The following LAMA3 variants were observed in gnomAD, a reference collection of about 807,000 sequenced individuals.
LAMA3 encodes the protein laminin subunit alpha 3, also known as laminin subunit alpha-3.
A neutral mutation model predicts 402.0 loss-of-function variants in LAMA3; 281 were observed. That is an observed-to-expected ratio of 0.70 (90% CI 0.63 to 0.77). The LOEUF is 0.77. LAMA3 is among the 30% of genes least tolerant of loss of function. The probability of loss-of-function intolerance (pLI) is 0.00; values close to 1 mark genes in which losing one functional copy is unlikely to be tolerated. For missense variants in LAMA3, 3,840 were observed against 4,215.5 expected, an observed-to-expected ratio of 0.91 and a Z score of 2.47; for synonymous variants, 1,431 against 1,558.4, an observed-to-expected ratio of 0.92 and a Z score of 1.93.
At position 23,717,719 on chromosome 18, in the gene LAMA3, A is replaced by ATTTTTTTTTTTTT. The variant is rs1568109215; in HGVS notation, c.447+3647_447+3648insTTTTTTTTTTTTT. 1.7e-5 allele frequency among the ~76,000 whole-genome samples: 2 copies of ATTTTTTTTTTTTT among 116,806 alleles called. 1 individual carries two copies. The highest frequency in any genetic ancestry group is 7.8e-5 in the African/African-American group (2 of 25,646). The allele number at this position is 116,806 out of a possible 152,430, so 76.6% of individuals were successfully genotyped here. ...AGGTGCCCACCACCATGCCTGGCTA[A>ATTTTTTTTTTTTT]ATTTTTTTTTTTTTTTTTTTTTTTT... On this transcript the variant is annotated intron_variant, in intron 2 of 74. Transcript: ENST00000313654.
intron 1 of LAMA3, among the ~76,000 whole-genome samples, chr18:23,705,875 T>C (rs1340773122): frequency 2.0e-5 from 3 of 152,152 alleles, no homozygotes; most frequent in African/African-American, 4.8e-5. Flanking sequence ...AAACCAAACA[T>C]AGAGCTTGGA....
At chr18:23,915,247 T>G in intron 58 of LAMA3, 42 bp from the exon 59 acceptor site, 1 of 1,604,700 alleles carries the variant, frequency 6.2e-7, no homozygotes, top group Non-Finnish European at 8.5e-7. Context: ...TTGATTATTG[T>G]CCTTTGTTCA....
At chr18:23,867,569 GA>G (rs1272959145) in intron 36 of LAMA3, among the ~76,000 whole-genome samples, 31 of 128,832 alleles carry the variant, frequency 2.4e-4, no homozygotes, top group Non-Finnish European at 3.5e-4. Flanking sequence ...AAAAAAAAAA[GA>G]AAAAAAAAAG....
chr18:23,714,200 C>A, intron 2 of LAMA3, 128 bp downstream of exon 2: 1 of 946,840 alleles, frequency 1.1e-6, no homozygotes, highest in Non-Finnish European at 1.6e-6. Flanking sequence ...ATTGTTAAAC[C>A]TGTTACATTA....
chr18:23,869,596 T>C (rs561992775), intron 37 of LAMA3, among the ~76,000 whole-genome samples: 1 of 152,330 alleles, frequency 6.6e-6, no homozygotes, highest in Admixed American at 6.5e-5. Flanking sequence ...AAGCATCATA[T>C]TTGTATGTTA....
At chr18:23,747,696 T>C (rs1482948418) in intron 2 of LAMA3, among the ~76,000 whole-genome samples, 1 of 152,196 alleles carries the variant, frequency 6.6e-6, no homozygotes, top group African/African-American at 2.4e-5. Flanking sequence ...GGTTAAGGTG[T>C]GACAAAGATG....
chr18:23,750,461 T>TCCCCC (rs2061728775), intron 4 of LAMA3, among the ~76,000 whole-genome samples: 1 of 144,132 alleles, frequency 6.9e-6, no homozygotes, highest in African/African-American at 2.6e-5. Flanking sequence ...TTTTTTTTTT[T>TCCCCC]TTTTTTGCCC....
At chr18:23,871,998 A>G (rs1454416345) in intron 38 of LAMA3, among the ~76,000 whole-genome samples, 2 of 152,234 alleles carry the variant, frequency 1.3e-5, no homozygotes, top group Non-Finnish European at 2.9e-5. Flanking sequence ...AATGTTTGAG[A>G]TGATGGATAT....
In LAMA3 at chr18:23,939,277, G is replaced by A. The variant is rs1378466640; in HGVS notation, c.8917G>A (p.Ala2973Thr). 1 of 1,614,188 alleles carries A rather than the reference G, an allele frequency of 6.2e-7. No homozygotes were observed. Among genetic ancestry groups the A allele is most frequent in the African/African-American group, 1.3e-5 (1 of 75,052 alleles). ...SPRSVKVWQD[A>T]CSPLPKTQAN... The stretch of plus-strand genomic sequence containing the variant: ...AAGGAGCGTGAAGGTGTGGCAAGAT[G>A]CTTGCTCACCACTTCCCAAGACCCA... The change falls in exon 68 of 75, where the codon GCT becomes ACT. Residue 2973 changes from alanine to threonine, a missense_variant. Ala to Thr is a moderately conservative substitution (Grantham distance 58). This residue lies in a region of LAMA3 where 840 missense variants were observed against 981.9 expected (regional missense o/e 0.86). Coordinates refer to ENST00000313654, the MANE Select transcript of LAMA3 (RefSeq NM_198129.4).
At chr18:23,937,240 C>A (rs1193752420) in intron 67 of LAMA3, among the ~76,000 whole-genome samples, 1 of 151,992 alleles carries the variant, frequency 6.6e-6, no homozygotes. Flanking sequence ...GTGGTAGGCA[C>A]CTGTAATCCC....
At chr18:23,925,290 G>A (rs1374247520) in intron 62 of LAMA3, among the ~76,000 whole-genome samples, 2 of 152,166 alleles carry the variant, frequency 1.3e-5, no homozygotes, top group Non-Finnish European at 2.9e-5. Flanking sequence ...GTTTCTTCTG[G>A]GAATGGGGAC....
intron 20 of LAMA3, among the ~76,000 whole-genome samples, chr18:23,822,604 A>G (rs1030249382): frequency 3.9e-5 from 6 of 152,232 alleles, no homozygotes; most frequent in African/African-American, 1.4e-4. Context: ...AAAAATCGAT[A>G]TAACAACCTA....
chr18:23,727,265 T>G (rs2061315270), intron 2 of LAMA3, among the ~76,000 whole-genome samples: 1 of 152,200 alleles, frequency 6.6e-6, no homozygotes, highest in South Asian at 2.1e-4. Flanking sequence ...TTTAAATTGT[T>G]TTAAGGCTTT....
intron 31 of LAMA3, 78 bp from the exon 32 acceptor site, chr18:23,847,386 G>T (rs1034955004): frequency 2.7e-6 from 4 of 1,466,894 alleles, no homozygotes; most frequent in Non-Finnish European, 3.8e-6. Flanking sequence ...CTTCTGGAAA[G>T]CCTGGCAGTT....
rs368729086 is a variant in LAMA3, at chr18:23,861,695, T to A, written c.4472T>A (p.Ile1491Asn). ...CTGGAGACAGCAGACAGAGTGGACA[T>A]CCCTGTCTCTTTCAACCCAGGCAGC... ...WHLETADRVD[I>N]PVSFNPGSNS... is the part of the protein sequence containing the mutation. Residue 1491 changes from isoleucine to asparagine, a missense_variant, in exon 35 of 75, where the codon ATC becomes AAC. Physicochemically the swap from Ile to Asn is moderately radical, Grantham distance 149. Around this residue, in one of 3 missense-constraint regions of LAMA3, gnomAD observed 2,109 missense variants for 2,376.0 expected, o/e 0.89. Coordinates refer to ENST00000313654, the MANE Select transcript of LAMA3 (RefSeq NM_198129.4). The A allele has an allele frequency of 1.2e-4, 188 of 1,614,024 alleles. No homozygotes were observed. Among genetic ancestry groups the A allele is most frequent in the South Asian group, 2.0e-4 (18 of 91,082 alleles).
At chr18:23,762,273 G>A (rs186164634) in intron 7 of LAMA3, among the ~76,000 whole-genome samples, 18 of 152,064 alleles carry the variant, frequency 1.2e-4, no homozygotes, top group Middle Eastern at 6.8e-3. Flanking sequence ...AAGATGCTGC[G>A]GCACAAAATA....
At chr18:23,833,406 A>G (rs2063522935) in intron 23 of LAMA3, among the ~76,000 whole-genome samples, 1 of 151,758 alleles carries the variant, frequency 6.6e-6, no homozygotes, top group Admixed American at 6.6e-5. Flanking sequence ...AAAAAAAACA[A>G]TTAAAGAGCC....
chr18:23,911,144 G>T (rs2145210023), intron 55 of LAMA3, among the ~76,000 whole-genome samples: 1 of 152,118 alleles, frequency 6.6e-6, no homozygotes, highest in Non-Finnish European at 1.5e-5. Context: ...ACAAAAAGCA[G>T]GAGAGAATGC....
At chr18:23,754,550 T>C (rs2061809157) in intron 6 of LAMA3, among the ~76,000 whole-genome samples, 2 of 152,244 alleles carry the variant, frequency 1.3e-5, no homozygotes, top group Non-Finnish European at 2.9e-5. Flanking sequence ...TGTATATATG[T>C]ATATATTACA....
Sources: allele counts gnomAD v4.1 joint callset (sites outside exome capture counted in the v4.1 genomes callset), GRCh38; gene constraint gnomAD v4.1.1; regional missense constraint gnomAD v4.1.1; transcripts MANE v1.5; gene names NCBI Gene and HGNC (gene_info 2026-07-23, HGNC 2026-07-21).